RYR3: variants seen among roughly 807,000 people sequenced by gnomAD.
RYR3 encodes the protein brain ryanodine receptor-calcium release channel.
RYR3 carries 207 observed loss-of-function variants against 584.3 expected under a neutral mutation model. The observed-to-expected ratio is 0.35, with a 90% CI of 0.32 to 0.40. The LOEUF (loss-of-function observed/expected upper bound fraction) is 0.40. Among genes scored for constraint, RYR3 ranks in the 10% least tolerant of loss-of-function variants. The pLI is 1.00. For synonymous variants in RYR3, 2,416 were observed against 2,248.5 expected, an observed-to-expected ratio of 1.07 and a Z score of -2.11; for missense variants, 5,616 against 6,089.2, an observed-to-expected ratio of 0.92 and a Z score of 2.59.
intron 11 of RYR3, among the ~76,000 whole-genome samples, chr15:33,565,122 T>TG (rs5811774): frequency 0.86 from 131,463 of 152,018 alleles, 57,533 homozygotes; most frequent in Middle Eastern, 0.97. Context: ...CCTTAGGAAC[T>TG]GGCTGCTGAG....
At chr15:33,702,690 G>A (rs762616712) in intron 42 of RYR3, among the ~76,000 whole-genome samples, 2 of 152,170 alleles carry the variant, frequency 1.3e-5, no homozygotes, top group African/African-American at 4.8e-5. Flanking sequence ...TGGTTGAAGC[G>A]CTGGGGGTAC....
At chr15:33,704,261 G>A (rs2066516105) in intron 42 of RYR3, among the ~76,000 whole-genome samples, 2 of 144,652 alleles carry the variant, frequency 1.4e-5, no homozygotes, top group African/African-American at 5.1e-5. Context: ...GAGCCTGGGT[G>A]ACAGAGCGAG....
At chr15:33,358,143 A>G (rs1168220695) in intron 1 of RYR3, among the ~76,000 whole-genome samples, 1 of 152,218 alleles carries the variant, frequency 6.6e-6, no homozygotes, top group African/African-American at 2.4e-5. Context: ...GACCACTGAC[A>G]AGTTGTATAT....
At chr15:33,368,436 G>A (rs1277732610) in intron 1 of RYR3, among the ~76,000 whole-genome samples, 1 of 142,702 alleles carries the variant, frequency 7.0e-6, no homozygotes, top group African/African-American at 2.6e-5. Flanking sequence ...GCAGGGCTTT[G>A]TGGCTTGGGG....
chr15:33,746,984 A>AT (rs201036277), intron 53 of RYR3, among the ~76,000 whole-genome samples: 5,090 of 150,050 alleles, frequency 0.034, 262 homozygotes, highest in African/African-American at 0.12. Flanking sequence ...AATGTTTGTA[A>AT]TTTTTTAGCA....
chr15:33,491,166 GA>G (rs2050933562), intron 2 of RYR3, among the ~76,000 whole-genome samples: 1 of 152,202 alleles, frequency 6.6e-6, no homozygotes, highest in Non-Finnish European at 1.5e-5. Context: ...TATCTTCAGT[GA>G]CAAAGGAGCT....
chr15:33,491,410 A>G (rs896766667), intron 2 of RYR3, among the ~76,000 whole-genome samples: 2 of 152,222 alleles, frequency 1.3e-5, no homozygotes, highest in African/African-American at 4.8e-5. Context: ...TGCCACAGGA[A>G]AGCAAGTGGC....
rs569486167 is a variant in RYR3, at chr15:33,353,734, G to A, written c.51+42638G>A. Among the ~76,000 whole-genome samples, 7 of 152,124 alleles carry A rather than the reference G, an allele frequency of 4.6e-5. No homozygotes were observed. The South Asian group carries it at 1.2e-3, about 27-fold the overall frequency. ...CTGTGATTCTGTGAAATACTCCTGC[G>A]GAGCAGTTTTCCCTCAATTAACAGA... On this transcript the variant is annotated intron_variant, in intron 1 of 103. Coordinates refer to ENST00000634891, the MANE Select transcript of RYR3 (RefSeq NM_001036.6).
rs1028687948 is a variant in RYR3, at chr15:33,852,974, T to G, written c.13629-71T>G. 4 of 1,356,880 alleles carry G rather than the reference T, an allele frequency of 2.9e-6. 1 individual carries two copies. The highest frequency in any genetic ancestry group is 2.1e-6 in the Non-Finnish European group (2 of 968,710). The allele number at this position is 1,356,880 out of a possible 1,614,324, so 84.1% of individuals were successfully genotyped here. ...AGATCCCAGATCCAGGCACTCAAAC[T>G]GAAACGTTTCTTGATGTGTTTTCCT... On this transcript the variant is annotated intron_variant, in intron 94 of 103. Coordinates refer to ENST00000634891, the MANE Select transcript of RYR3 (RefSeq NM_001036.6).
chr15:33,655,086 C>A (rs1032288694), intron 32 of RYR3, among the ~76,000 whole-genome samples: 2 of 152,262 alleles, frequency 1.3e-5, no homozygotes, highest in Non-Finnish European at 2.9e-5. Flanking sequence ...TCTGCACCTC[C>A]TCCTCTTCCT....
At chr15:33,336,596 G>A (rs1971122552) in intron 1 of RYR3, among the ~76,000 whole-genome samples, 1 of 151,202 alleles carries the variant, frequency 6.6e-6, no homozygotes, top group Non-Finnish European at 1.5e-5. Context: ...GGCACAACAT[G>A]TTGCCCAGCA....
chr15:33,519,203 A>G (rs1037689255), intron 3 of RYR3, among the ~76,000 whole-genome samples: 1 of 152,184 alleles, frequency 6.6e-6, no homozygotes, highest in African/African-American at 2.4e-5. Flanking sequence ...GGGGTTGACA[A>G]TGGTGGGCTG....
intron 38 of RYR3, among the ~76,000 whole-genome samples, chr15:33,695,947 CTTTT>C (rs1165160004): frequency 5.0e-4 from 48 of 95,470 alleles, no homozygotes; most frequent in African/African-American, 1.9e-3. Context: ...CCACACCCAG[CTTTT>C]TTTTTTTTTT....
At chr15:33,393,881 A>G (rs1450201547) in intron 1 of RYR3, among the ~76,000 whole-genome samples, 1 of 152,216 alleles carries the variant, frequency 6.6e-6, no homozygotes, top group Non-Finnish European at 1.5e-5. Flanking sequence ...GCCAGATACA[A>G]TGCGAGGCAT....
chr15:33,634,458 C>T, intron 24 of RYR3, 128 bp from the exon 25 acceptor site: 3 of 781,284 alleles, frequency 3.8e-6, no homozygotes, highest in East Asian at 5.0e-5. Flanking sequence ...TGTGAAGGCA[C>T]TGAGGGAAGG....
At chr15:33,580,877 C>G (rs150188490) in intron 13 of RYR3, among the ~76,000 whole-genome samples, 223 of 152,344 alleles carry the variant, frequency 1.5e-3, no homozygotes, top group Non-Finnish European at 2.2e-3. Context: ...GGGGCATTCT[C>G]TATGACTTAA....
chr15:33,693,621 A>ATC (rs1490877352), intron 38 of RYR3, among the ~76,000 whole-genome samples: 4 of 152,234 alleles, frequency 2.6e-5, no homozygotes, highest in Non-Finnish European at 5.9e-5. Flanking sequence ...CAGGGGAAAG[A>ATC]TCTCTGTCAC....
At chr15:33,435,995 C>T (rs2045691628) in intron 1 of RYR3, among the ~76,000 whole-genome samples, 1 of 134,166 alleles carries the variant, frequency 7.5e-6, no homozygotes, top group African/African-American at 2.5e-5. Flanking sequence ...TCTGATTGGT[C>T]CATTTTACAG....
intron 102 of RYR3, among the ~76,000 whole-genome samples, chr15:33,863,032 C>A (rs1487497760): frequency 1.3e-5 from 2 of 152,186 alleles, no homozygotes; most frequent in African/African-American, 2.4e-5. Flanking sequence ...CCCATGGCCA[C>A]GTGTCTGTAC....
Sources: gnomAD v4.1 joint callset for allele counts (sites outside exome capture counted in the v4.1 genomes callset) on GRCh38, gnomAD v4.1.1 for gene constraint, MANE v1.5 for transcripts, NCBI Gene and HGNC (gene_info 2026-07-23, HGNC 2026-07-21) for gene names.